CCDC88C: variants seen among roughly 807,000 people sequenced by gnomAD.
CCDC88C encodes the protein protein Daple.
CCDC88C carries 131 observed loss-of-function variants against 198.8 expected under a neutral mutation model. That is an observed-to-expected ratio of 0.66 (90% CI 0.57 to 0.76). CCDC88C has a LOEUF of 0.76. CCDC88C is among the 30% of genes least tolerant of loss of function. The pLI is 0.00. For missense variants in CCDC88C, 2,553 were observed against 2,631.6 expected, an observed-to-expected ratio of 0.97 and a Z score of 0.65; for synonymous variants, 1,166 against 1,114.7, an observed-to-expected ratio of 1.05 and a Z score of -0.92.
At chr14:91,305,502 T>A (rs1390563109) in intron 19 of CCDC88C, among the ~76,000 whole-genome samples, 1 of 152,148 alleles carries the variant, frequency 6.6e-6, no homozygotes, top group African/African-American at 2.4e-5. Context: ...CTGGAAAACA[T>A]GGACAAGAAT....
Position 91,313,305 on chromosome 14 carries a change from C to T in CCDC88C, c.2511G>A (p.Leu837=), listed in dbSNP as rs1376262195. ...VAQLEKDKKL[L]EKEAKRLWQQ... ...GCCACAGCCGCTTGGCCTCCTTCTC[C>T]AGCAGCTTCTTATCCTTCTCGAGCT... is the stretch of plus-strand genomic sequence containing the variant. Residue 837 remains leucine, a synonymous_variant, in exon 15 of 30, where the codon CTG becomes CTA. Coordinates refer to ENST00000389857, the MANE Select transcript of CCDC88C (RefSeq NM_001080414.4). The surrounding 1 kb of genome is among the most constrained non-coding windows in gnomAD (Gnocchi z 5.2). 3.7e-6 allele frequency: 6 copies of T among 1,613,794 alleles called. No homozygotes were observed. Among genetic ancestry groups the T allele is most frequent in the Non-Finnish European group, 5.1e-6 (6 of 1,179,906 alleles).
chr14:91,284,984 G>C lies in CCDC88C; in HGVS notation c.4442-1467C>G, dbSNP rs569101813. On this transcript the variant is annotated intron_variant, in intron 25 of 29. Coordinates refer to ENST00000389857, the MANE Select transcript of CCDC88C (RefSeq NM_001080414.4). The surrounding 1 kb of genome is among the most constrained non-coding windows in gnomAD (Gnocchi z 4.1). ...TTTTCCCTTGCTCGAGGCATGATTTGTGTGCTGATGTTCTTTCTGTCTCCT... is the reference window on the plus strand; with the variant it reads ...TTTTCCCTTGCTCGAGGCATGATTTCTGTGCTGATGTTCTTTCTGTCTCCT... Among the ~76,000 whole-genome samples, 4 of 152,180 alleles carry C rather than the reference G, an allele frequency of 2.6e-5. No individual in the cohort carries two copies. Among genetic ancestry groups the C allele is most frequent in the Non-Finnish European group, 5.9e-5 (4 of 68,034 alleles).
chr14:91,294,815 G>A (rs1009649249), intron 22 of CCDC88C, among the ~76,000 whole-genome samples: 3 of 152,102 alleles, frequency 2.0e-5, no homozygotes, highest in African/African-American at 4.8e-5. Context: ...GTGCCACCAC[G>A]CCCAGCTAAT....
chr14:91,342,327 C>T (rs1893345364), intron 6 of CCDC88C, 53 bp downstream of exon 6: 2 of 1,157,574 alleles, frequency 1.7e-6, no homozygotes, highest in Non-Finnish European at 2.5e-6. Flanking sequence ...GCCTCCCGGC[C>T]ACCACAGGAG....
chr14:91,292,818 G>C (rs1255618139), intron 23 of CCDC88C, among the ~76,000 whole-genome samples: 2 of 152,082 alleles, frequency 1.3e-5, no homozygotes, highest in East Asian at 1.9e-4. Context: ...GAGATTCCTG[G>C]CACCAGGGTT....
At chr14:91,323,324 G>A (rs538038709) in intron 12 of CCDC88C, among the ~76,000 whole-genome samples, 2 of 152,350 alleles carry the variant, frequency 1.3e-5, no homozygotes, top group African/African-American at 4.8e-5. Flanking sequence ...AAGGGCCAGA[G>A]CCGGGGTTCC....
chr14:91,273,282 A>T lies in CCDC88C; in HGVS notation c.5430T>A (p.Ala1810=). Reference sequence around the variant, plus strand: ...CTGGCCCGCTGGCCCGGAGAAGGTCAGCTGAGGCCAGGCTGAAGGCCCGGC... The same window carrying T: ...CTGGCCCGCTGGCCCGGAGAAGGTCTGCTGAGGCCAGGCTGAAGGCCCGGC... ...SLSRAFSLAS[A]DLLRASGPEA... The change falls in exon 30 of 30, where the codon GCT becomes GCA. Residue 1810 remains alanine, a synonymous_variant. Transcript: ENST00000389857. The surrounding 1 kb of genome is among the most constrained non-coding windows in gnomAD (Gnocchi z 5.6). 6.4e-7 allele frequency: 1 copy of T among 1,559,036 alleles called. No individual in the cohort carries two copies. Among genetic ancestry groups the T allele is most frequent in the East Asian group, 2.4e-5 (1 of 41,898 alleles).
Position 91,294,274 on chromosome 14 carries a change from GTGA to G in CCDC88C, c.4008_4010del (p.His1337del). On this transcript the variant is annotated inframe_deletion, in exon 23 of 30. Coordinates refer to ENST00000389857, the MANE Select transcript of CCDC88C (RefSeq NM_001080414.4). The stretch of plus-strand genomic sequence containing the variant: ...TCAACAGCTGGATCTGGCTCAGGAG[GTGA>G]TGATTTTCTTCCTCCAAGTTCCCCT... 1 of 1,614,034 alleles carries G rather than the reference GTGA, an allele frequency of 6.2e-7. No homozygotes were observed. The highest frequency in any genetic ancestry group is 8.5e-7 in the Non-Finnish European group (1 of 1,179,892).
At chr14:91,404,943 C>T (rs547282298) in intron 3 of CCDC88C, among the ~76,000 whole-genome samples, 18 of 145,446 alleles carry the variant, frequency 1.2e-4, no homozygotes, top group African/African-American at 4.3e-4. Context: ...CCAGGCTGGG[C>T]GACAGAGCGA....
intron 14 of CCDC88C, among the ~76,000 whole-genome samples, 160 bp downstream of exon 14, chr14:91,315,490 C>T (rs1356428201): frequency 2.0e-5 from 3 of 152,160 alleles, no homozygotes; most frequent in South Asian, 2.1e-4. Context: ...CTTTTCCCAC[C>T]GCCAGTTGGG....
intron 3 of CCDC88C, among the ~76,000 whole-genome samples, chr14:91,364,928 G>A (rs906967339): frequency 1.1e-4 from 16 of 152,178 alleles, no homozygotes; most frequent in Non-Finnish European, 2.1e-4. Flanking sequence ...CAAAACACAG[G>A]ATACAGGTGT....
Position 91,325,207 on chromosome 14 carries a change from T to C in CCDC88C, c.1198-284A>G, listed in dbSNP as rs1892532064. 1.3e-5 allele frequency among the ~76,000 whole-genome samples: 2 copies of C among 152,176 alleles called. No individual in the cohort carries two copies. Among genetic ancestry groups the C allele is most frequent in the Admixed American group, 6.5e-5 (1 of 15,276 alleles). On this transcript the variant is annotated intron_variant, in intron 11 of 29. Transcript: ENST00000389857. The surrounding 1 kb of genome is among the most constrained non-coding windows in gnomAD (Gnocchi z 4.1). The stretch of plus-strand genomic sequence containing the variant: ...ACAAAGTGACATACTGCACAGGGCT[T>C]TAAAGCAAGTGTGCAGTGATGGGCA...
chr14:91,308,085 G>A (rs181407036), intron 17 of CCDC88C, among the ~76,000 whole-genome samples: 3 of 152,364 alleles, frequency 2.0e-5, no homozygotes, highest in Admixed American at 1.3e-4. Flanking sequence ...AGGGCTCTCA[G>A]GGGTGTTCCC....
At position 91,313,733 on chromosome 14, in the gene CCDC88C, G is replaced by C; in HGVS notation, c.2083C>G (p.Leu695Val). ...TCCAGCTGCTTGTTGTCACGCTCCA[G>C]GCCCTCAAGCTGCAGGGACACGTTC... ...LQNVSLQLEG[L>V]ERDNKQLDAE... is the part of the protein sequence containing the mutation. The change falls in exon 15 of 30, where the codon CTG (leucine) becomes GTG (valine). Residue 695 changes from leucine to valine, a missense_variant. By Grantham distance (32) the Leu-to-Val change is conservative. Around this residue, in one of 2 missense-constraint regions of CCDC88C, gnomAD observed 1,260 missense variants for 1,412.0 expected, o/e 0.89. Transcript: ENST00000389857. The surrounding 1 kb of genome is among the most constrained non-coding windows in gnomAD (Gnocchi z 5.2). 5 of 1,609,598 alleles carry C rather than the reference G, an allele frequency of 3.1e-6. No homozygotes were observed. In the South Asian group the frequency reaches 5.5e-5, roughly 18 times the overall value.
intron 2 of CCDC88C, among the ~76,000 whole-genome samples, chr14:91,411,547 A>T (rs1047886893): frequency 2.0e-5 from 3 of 152,242 alleles, no homozygotes; most frequent in African/African-American, 2.4e-5. Flanking sequence ...ACACTCTAGT[A>T]TCAGGATCTC....
At chr14:91,367,043 T>G (rs992330940) in intron 3 of CCDC88C, among the ~76,000 whole-genome samples, 1 of 152,204 alleles carries the variant, frequency 6.6e-6, no homozygotes, top group Non-Finnish European at 1.5e-5. Flanking sequence ...ACTAGGACAG[T>G]TGGACCAAGA....
At chr14:91,275,730 C>T (rs528600155) in intron 29 of CCDC88C, among the ~76,000 whole-genome samples, 29 of 151,820 alleles carry the variant, frequency 1.9e-4, no homozygotes, top group Non-Finnish European at 3.2e-4. Flanking sequence ...TGGTCTCGAA[C>T]GCCTGACCTC....
chr14:91,309,174 A>G (rs1394504899), intron 16 of CCDC88C, among the ~76,000 whole-genome samples: 1 of 152,210 alleles, frequency 6.6e-6, no homozygotes, highest in Non-Finnish European at 1.5e-5. Context: ...GGTTTTCATC[A>G]CTGAGCCGGG....
chr14:91,356,385 G>T (rs1894041087), intron 4 of CCDC88C, among the ~76,000 whole-genome samples: 1 of 152,142 alleles, frequency 6.6e-6, no homozygotes, highest in African/African-American at 2.4e-5. Flanking sequence ...GAGGCCCGGG[G>T]CCCTCTGAGC....
Sources: allele counts gnomAD v4.1 joint callset (sites outside exome capture counted in the v4.1 genomes callset), GRCh38; gene constraint gnomAD v4.1.1; regional missense constraint gnomAD v4.1.1; non-coding constraint Gnocchi (gnomAD v3.1); transcripts MANE v1.5; gene names NCBI Gene and HGNC (gene_info 2026-07-23, HGNC 2026-07-21).